Variants in TENM3 observed in about 807,000 individuals in gnomAD.
TENM3 encodes teneurin transmembrane protein 3.
In TENM3, 63 loss-of-function variants were observed where a neutral mutation model predicts 255.1. The ratio of observed to expected loss-of-function variants is 0.25; its 90% confidence interval spans 0.20 to 0.30. TENM3 has a LOEUF of 0.30. Among genes scored for constraint, TENM3 ranks in the 10% least tolerant of loss-of-function variants. The probability of loss-of-function intolerance (pLI) is 1.00; values close to 1 mark genes in which losing one functional copy is unlikely to be tolerated. For missense variants in TENM3, 2,929 were observed against 3,461.1 expected (o/e 0.85, Z 3.86); for synonymous variants, 1,306 against 1,322.3 (o/e 0.99, Z 0.27).
At chr4:182,000,274 T>A in the TENM3 span, among the ~76,000 whole-genome samples, 1 of 152,070 alleles carries the variant, frequency 6.6e-6, no homozygotes, top group Non-Finnish European at 1.5e-5. Flanking sequence ...ATCATTGAAA[T>A]GATGAAATAG....
the TENM3 span, among the ~76,000 whole-genome samples, chr4:181,580,656 C>A: frequency 6.6e-6 from 1 of 151,952 alleles, no homozygotes; most frequent in Admixed American, 6.6e-5. Context: ...GAGGAGAGAT[C>A]GTACAGTAAT....
At chr4:181,523,070 G>A in the TENM3 span, 1 of 561,550 alleles carries the variant, frequency 1.8e-6, no homozygotes, top group East Asian at 3.9e-5. Flanking sequence ...AAATGTATGA[G>A]CATGGGACAA....
chr4:182,665,121 T>C (rs1246572619), intron 6 of TENM3, among the ~76,000 whole-genome samples: 2 of 152,194 alleles, frequency 1.3e-5, no homozygotes, highest in African/African-American at 2.4e-5. Flanking sequence ...GCTTCAAAGC[T>C]TCCAGGGACA....
chr4:182,486,808 C>T (rs1279922904), intron 3 of TENM3, among the ~76,000 whole-genome samples: 1 of 152,112 alleles, frequency 6.6e-6, no homozygotes, highest in African/African-American at 2.4e-5. Context: ...AGATAACCCT[C>T]AATATACACT....
At chr4:181,546,067 A>G in the TENM3 span, among the ~76,000 whole-genome samples, 2 of 152,094 alleles carry the variant, frequency 1.3e-5, no homozygotes, top group African/African-American at 2.4e-5. Flanking sequence ...CCTATCTGAC[A>G]TTTTCTCTCT....
At chr4:181,757,790 C>T in the TENM3 span, among the ~76,000 whole-genome samples, 14 of 152,246 alleles carry the variant, frequency 9.2e-5, no homozygotes, top group African/African-American at 3.4e-4. Context: ...CCCTTACCTG[C>T]AGCTGAAAGG....
chr4:182,002,359 T>C, the TENM3 span, among the ~76,000 whole-genome samples: 1 of 152,036 alleles, frequency 6.6e-6, no homozygotes, highest in Non-Finnish European at 1.5e-5. Flanking sequence ...TTTAGGTGAT[T>C]GTCAGTAAAA....
At chr4:182,756,064 G>T (rs1375092286) in intron 22 of TENM3, among the ~76,000 whole-genome samples, 4 of 152,146 alleles carry the variant, frequency 2.6e-5, no homozygotes, top group Non-Finnish European at 5.9e-5. Flanking sequence ...TGTGGTTTGG[G>T]GCATAAAGCC....
the TENM3 span, among the ~76,000 whole-genome samples, chr4:182,124,297 C>T: frequency 6.6e-6 from 1 of 152,146 alleles, no homozygotes; most frequent in East Asian, 1.9e-4. Context: ...GGTGCCCCAC[C>T]CACCTTGGCC....
At chr4:182,630,432 GT>G (rs1396855896) in intron 5 of TENM3, among the ~76,000 whole-genome samples, 1 of 151,366 alleles carries the variant, frequency 6.6e-6, no homozygotes, top group Non-Finnish European at 1.5e-5. Context: ...ATTTTAAATG[GT>G]TCTGAAAGGG....
the TENM3 span, among the ~76,000 whole-genome samples, chr4:181,954,175 G>A: frequency 6.6e-6 from 1 of 152,206 alleles, no homozygotes; most frequent in East Asian, 1.9e-4. Context: ...TATATTTGTT[G>A]ATGAATATTT....
At chr4:182,197,351 A>G (rs1020370696) in intron 1 of TENM3, among the ~76,000 whole-genome samples, 1 of 152,146 alleles carries the variant, frequency 6.6e-6, no homozygotes, top group African/African-American at 2.4e-5. Flanking sequence ...CTAGCCATGG[A>G]GGGATGTGAG....
chr4:182,306,338 G>A (rs1762131916), intron 1 of TENM3, among the ~76,000 whole-genome samples: 1 of 151,976 alleles, frequency 6.6e-6, no homozygotes, highest in African/African-American at 2.4e-5. Context: ...TTACAGGCCT[G>A]AGCCACCATG....
the TENM3 span, among the ~76,000 whole-genome samples, chr4:181,563,934 T>G: frequency 2.0e-5 from 3 of 152,150 alleles, no homozygotes; most frequent in Non-Finnish European, 4.4e-5. Flanking sequence ...TTCATTGGAA[T>G]CACATAATAT....
chr4:181,832,893 A>G, the TENM3 span, among the ~76,000 whole-genome samples: 135 of 152,308 alleles, frequency 8.9e-4, no homozygotes, highest in Non-Finnish European at 1.6e-3. Flanking sequence ...TCACTCAAGC[A>G]TGGAAGGACC....
At chr4:181,485,448 A>G in the TENM3 span, among the ~76,000 whole-genome samples, 1 of 151,868 alleles carries the variant, frequency 6.6e-6, no homozygotes, top group Non-Finnish European at 1.5e-5. Flanking sequence ...TGTCTAATTT[A>G]TATTAGATGT....
chr4:182,009,295 A>G, the TENM3 span, among the ~76,000 whole-genome samples: 7 of 152,086 alleles, frequency 4.6e-5, no homozygotes, highest in African/African-American at 1.7e-4. Context: ...AGGGAAACCC[A>G]CTTATCAAGG....
chr4:181,495,052 A>C, the TENM3 span, among the ~76,000 whole-genome samples: 4 of 152,190 alleles, frequency 2.6e-5, no homozygotes, highest in East Asian at 1.9e-4. Flanking sequence ...GAATTTATTA[A>C]GTTTCAGGCA....
At chr4:181,460,409 G>C in the TENM3 span, among the ~76,000 whole-genome samples, 1 of 151,976 alleles carries the variant, frequency 6.6e-6, no homozygotes, top group African/African-American at 2.4e-5. Context: ...GTTTACTGTA[G>C]CCAGCACATA....
Sources: gnomAD v4.1 joint callset for allele counts (sites outside exome capture counted in the v4.1 genomes callset) on GRCh38, gnomAD v4.1.1 for gene constraint, MANE v1.5 for transcripts, NCBI Gene and HGNC (gene_info 2026-07-23, HGNC 2026-07-21) for gene names.